The following IL33 variants were observed in gnomAD, a reference collection of about 807,000 sequenced individuals.
IL33 encodes the protein interleukin 33, also known as interleukin-33.
Under a neutral mutation model 27.3 loss-of-function variants are expected in IL33, and 37 were observed. The observed-to-expected ratio is 1.36, with a 90% CI of 1.04 to 1.78. The LOEUF (loss-of-function observed/expected upper bound fraction) is 1.78. Ranked by LOEUF, IL33 falls within the 40% of genes most tolerant of loss-of-function variation. The pLI is 0.00. For synonymous variants in IL33, 132 were observed against 102.9 expected, an observed-to-expected ratio of 1.28 and a Z score of -1.71; for missense variants, 406 against 311.4, an observed-to-expected ratio of 1.30 and a Z score of -2.29.
intron 1 of IL33, among the ~76,000 whole-genome samples, chr9:6,233,279 A>G (rs16924171): frequency 1.3e-5 from 2 of 151,960 alleles, no homozygotes; most frequent in African/African-American, 2.4e-5. Context: ...CAGAACCTAC[A>G]TTACAAAGAT....
chr9:6,256,112 G>C lies in IL33; in HGVS notation c.757G>C (p.Asp253His), dbSNP rs150296125. The C allele has an allele frequency of 5.6e-6, 9 of 1,613,266 alleles. No homozygotes were observed. The African/African-American group carries it at 8.0e-5, about 14-fold the overall frequency. ...TAATCATCTTGCTCTGATTAAAGTA[G>C]ACTCTTCTGAGAATTTGTGTACTGA... ...KDNHLALIKV[D>H]SSENLCTENI... Residue 253 changes from aspartate (D) to histidine (H), a missense_variant, in exon 8 of 8, where the codon GAC (aspartate) becomes CAC (histidine). Asp to His is a moderately conservative substitution (Grantham distance 81, BLOSUM62 -1). Coordinates refer to ENST00000682010, the MANE Select transcript of IL33 (RefSeq NM_033439.4).
chr9:6,228,348 A>T (rs1396992366), intron 1 of IL33, among the ~76,000 whole-genome samples: 1 of 152,204 alleles, frequency 6.6e-6, no homozygotes, highest in African/African-American at 2.4e-5. Context: ...ATTTAACTCT[A>T]CATGCTTTTG....
At chr9:6,217,090 C>A (rs1355336703) in intron 1 of IL33, among the ~76,000 whole-genome samples, 6 of 151,794 alleles carry the variant, frequency 4.0e-5, no homozygotes. Flanking sequence ...AATAAAATCA[C>A]AGGCATGTGA....
intron 1 of IL33, among the ~76,000 whole-genome samples, chr9:6,229,621 G>C (rs2130176803): frequency 6.6e-6 from 1 of 152,278 alleles, no homozygotes; most frequent in Admixed American, 6.5e-5. Context: ...TTGGGATTTG[G>C]GTAGGGTCCC....
At chr9:6,242,332 A>G (rs1819576828) in intron 2 of IL33, 1 of 152,256 alleles carries the variant, frequency 6.6e-6, no homozygotes, top group South Asian at 2.1e-4. Context: ...TTTAGAAAAA[A>G]AAGTGCAGCT....
Position 6,255,173 on chromosome 9 carries a change from T to C in IL33, c.612+620T>C, listed in dbSNP as rs1169116985. On this transcript the variant is annotated intron_variant, in intron 7 of 7. Coordinates refer to ENST00000682010, the MANE Select transcript of IL33 (RefSeq NM_033439.4). ...TTACATTGGTCATGATGTGTAATTA[T>C]AACTATTTTGACAAACAAGCCAAAG... Among the ~76,000 whole-genome samples the C allele has an allele frequency of 2.0e-5, 3 of 152,236 alleles. No individual in the cohort carries two copies. The East Asian group carries it at 5.8e-4, about 29-fold the overall frequency.
intron 1 of IL33, among the ~76,000 whole-genome samples, chr9:6,224,818 T>C (rs548009731): frequency 6.6e-6 from 1 of 152,186 alleles, no homozygotes; most frequent in African/African-American, 2.4e-5. Flanking sequence ...CCTTTGTGGA[T>C]CTAAGGTATG....
In IL33 at chr9:6,250,607, G is replaced by T. The variant is rs1289203006; in HGVS notation, c.217+8G>T. 3 of 1,611,158 alleles carry T rather than the reference G, an allele frequency of 1.9e-6. No homozygotes were observed. Among genetic ancestry groups the T allele is most frequent in the Non-Finnish European group, 2.5e-6 (3 of 1,179,036 alleles). On this transcript the variant is annotated splice_region_variant and intron_variant, in intron 3 of 7. Coordinates refer to ENST00000682010, the MANE Select transcript of IL33 (RefSeq NM_033439.4). ...GGCCTTCACTGAAAACAGGTAAGGG[G>T]AACCGTACATTCTCTGGCAATAGTG...
chr9:6,228,846 C>CA (rs386414378), intron 1 of IL33, among the ~76,000 whole-genome samples: 26,039 of 135,652 alleles, frequency 0.19, 2,624 homozygotes, highest in Middle Eastern at 0.23. Context: ...AACACTGACT[C>CA]AAAAAAAAAA....
Position 6,256,426 on chromosome 9 carries a change from A to G in IL33, c.*258A>G. On this transcript the variant is annotated 3_prime_UTR_variant, in exon 8 of 8. Coordinates refer to ENST00000682010, the MANE Select transcript of IL33 (RefSeq NM_033439.4). ...TTGGTAAAGAAACGGTCAACATTCT[A>G]AAGAGATACAGTCTGACCTTTACTT... 2.0e-6 allele frequency: 1 copy of G among 507,294 alleles called. No individual in the cohort carries two copies. 31.4% of individuals were successfully genotyped at this position (507,294 alleles called of 1,614,324 possible). A position where few individuals can be genotyped will look rare whatever the true frequency, so the allele number is the denominator to read the frequency against.
At chr9:6,227,768 G>A (rs1262290791) in intron 1 of IL33, among the ~76,000 whole-genome samples, 2 of 152,128 alleles carry the variant, frequency 1.3e-5, no homozygotes, top group African/African-American at 2.4e-5. Context: ...AATAATTCAG[G>A]TGGAATGGGC....
At chr9:6,228,894 A>C (rs1464078246) in intron 1 of IL33, among the ~76,000 whole-genome samples, 3 of 128,322 alleles carry the variant, frequency 2.3e-5, no homozygotes, top group Non-Finnish European at 5.3e-5. Flanking sequence ...TAAAGAAAAA[A>C]ACAAGTAAAA....
chr9:6,234,856 T>G (rs1819107270), intron 1 of IL33, among the ~76,000 whole-genome samples: 1 of 152,222 alleles, frequency 6.6e-6, no homozygotes, highest in South Asian at 2.1e-4. Context: ...CTTTAGAAAC[T>G]TTCAAAAGAT....
intron 7 of IL33, among the ~76,000 whole-genome samples, chr9:6,255,213 G>T (rs1185941529): frequency 1.3e-5 from 2 of 152,080 alleles, no homozygotes; most frequent in African/African-American, 4.8e-5. Context: ...AGGCATGGAA[G>T]AAAACAGAAG....
intron 2 of IL33, among the ~76,000 whole-genome samples, chr9:6,246,646 T>C (rs1001275599): frequency 6.6e-6 from 1 of 152,200 alleles, no homozygotes; most frequent in African/African-American, 2.4e-5. Flanking sequence ...AATGGATTAA[T>C]GCCATTGTCA....
chr9:6,244,442 C>A (rs746092050), intron 2 of IL33, among the ~76,000 whole-genome samples: 8 of 152,142 alleles, frequency 5.3e-5, no homozygotes, highest in Non-Finnish European at 8.8e-5. Flanking sequence ...CCTACAGATA[C>A]ATACCCATGA....
At chr9:6,245,264 G>T (rs1819767988) in intron 2 of IL33, among the ~76,000 whole-genome samples, 1 of 152,098 alleles carries the variant, frequency 6.6e-6, no homozygotes, top group Non-Finnish European at 1.5e-5. Flanking sequence ...TTAAAAAATA[G>T]GATATTTTTA....
In IL33 at chr9:6,218,899, CATATATATATATATATATATATATAT is replaced by C. The variant is rs200982905; in HGVS notation, c.-12+3066_-12+3091del. Among the ~76,000 whole-genome samples the C allele has an allele frequency of 1.3e-3, 30 of 22,676 alleles. 3 individuals are homozygous for C. The highest frequency in any genetic ancestry group is 6.6e-3 in the South Asian group (3 of 458). 14.9% of individuals were successfully genotyped at this position (22,676 alleles called of 152,430 possible). On this transcript the variant is annotated intron_variant, in intron 1 of 7. Transcript: ENST00000682010. ...GTTCTCCATATATATATATGTTCTC[CATATATATATATATATATATATATAT>C]ATATATATATATATATATGTCTACA...
chr9:6,237,546 CATGAGG>C, intron 1 of IL33, among the ~76,000 whole-genome samples: 1 of 152,164 alleles, frequency 6.6e-6, no homozygotes, highest in South Asian at 2.1e-4. Flanking sequence ...CAAACTAGTC[CATGAGG>C]GTGATAAGAC....
Sources: gnomAD v4.1 joint callset for allele counts (sites outside exome capture counted in the v4.1 genomes callset) on GRCh38, gnomAD v4.1.1 for gene constraint, MANE v1.5 for transcripts, NCBI Gene and HGNC (gene_info 2026-07-23, HGNC 2026-07-21) for gene names.